Variants in EYA4 observed in about 807,000 individuals in gnomAD.
EYA4 encodes the protein protein phosphatase EYA4.
Under a neutral mutation model 87.9 loss-of-function variants are expected in EYA4, and 31 were observed. The ratio of observed to expected loss-of-function variants is 0.35; its 90% confidence interval spans 0.27 to 0.48. The LOEUF (loss-of-function observed/expected upper bound fraction) is 0.48. EYA4 is among the 20% of genes least tolerant of loss of function. The pLI is 0.99. For synonymous variants in EYA4, 263 were observed against 270.6 expected, an observed-to-expected ratio of 0.97 and a Z score of 0.28; for missense variants, 678 against 761.4, an observed-to-expected ratio of 0.89 and a Z score of 1.29.
rs142398992 is a variant in EYA4, at chr6:133,495,485, T to TATTCATTTATTTATAA, written c.1192-10620_1192-10619insTTCATTTATTTATAAA. ...ATTTATAAATAAATATAAAGAAATA[T>TATTCATTTATTTATAA]AGAAGAGAGAGGTAGGCAAGGGCTG... On this transcript the variant is annotated intron_variant, in intron 13 of 19. Transcript: ENST00000355286. Among the ~76,000 whole-genome samples the TATTCATTTATTTATAA allele has an allele frequency of 3.5e-4, 42 of 119,880 alleles. 4 individuals carry two copies. Among genetic ancestry groups the TATTCATTTATTTATAA allele is most frequent in the African/African-American group, 1.3e-3 (38 of 28,990 alleles). The allele number at this position is 119,880 out of a possible 152,430, so 78.6% of individuals were successfully genotyped here.
intron 2 of EYA4, among the ~76,000 whole-genome samples, chr6:133,313,219 T>C (rs1780367297): frequency 6.6e-6 from 1 of 152,166 alleles, no homozygotes; most frequent in Non-Finnish European, 1.5e-5. Context: ...TGCTCCCTTT[T>C]ATTTTGGATA....
intron 2 of EYA4, among the ~76,000 whole-genome samples, chr6:133,342,574 C>CATATATATATATAT (rs56987430): frequency 0.029 from 2,941 of 99,886 alleles, 99 homozygotes; most frequent in Non-Finnish European, 0.035. Flanking sequence ...TACACACTGC[C>CATATATATATATAT]ATATATATAT....
chr6:133,409,423 A>G (rs1336105899), intron 3 of EYA4, among the ~76,000 whole-genome samples: 2 of 152,000 alleles, frequency 1.3e-5, no homozygotes, highest in Non-Finnish European at 2.9e-5. Context: ...CTAGGTGAAT[A>G]TGGCAGACGC....
intron 11 of EYA4, among the ~76,000 whole-genome samples, chr6:133,474,395 G>A (rs1795543319): frequency 6.6e-6 from 1 of 152,018 alleles, no homozygotes; most frequent in Non-Finnish European, 1.5e-5. Context: ...TATATTAAAT[G>A]CAGGCAGGTA....
In EYA4 at chr6:133,294,341, C is replaced by CT. The variant is rs201087164; in HGVS notation, c.33+19529dup. Among the ~76,000 whole-genome samples the CT allele has an allele frequency of 3.5e-3, 501 of 143,516 alleles. 3 individuals are homozygous for CT. The highest frequency in any genetic ancestry group is 0.023 in the Admixed American group (335 of 14,274). 94.2% of individuals were successfully genotyped at this position (143,516 alleles called of 152,430 possible). A position where few individuals can be genotyped will look rare whatever the true frequency, so the allele number is the denominator to read the frequency against. On this transcript the variant is annotated intron_variant, in intron 2 of 19. Transcript: ENST00000355286. ...GGATATTCTTGGTCTCTTGCTCTTTCTGTTTTTTTTTTGTTTTGTTTTTGT... is the reference window on the plus strand; with the variant it reads ...GGATATTCTTGGTCTCTTGCTCTTTCTTGTTTTTTTTTTGTTTTGTTTTTGT...
intron 2 of EYA4, among the ~76,000 whole-genome samples, chr6:133,328,676 A>G (rs1325115722): frequency 1.3e-5 from 2 of 151,842 alleles, no homozygotes; most frequent in East Asian, 1.9e-4. Flanking sequence ...TCAGTTTAGT[A>G]TTTTGTATGG....
chr6:133,408,447 C>T (rs1167485641), intron 3 of EYA4, among the ~76,000 whole-genome samples: 1 of 151,904 alleles, frequency 6.6e-6, no homozygotes, highest in African/African-American at 2.4e-5. Flanking sequence ...TTCTTAGAAT[C>T]TACGCATAAG....
intron 2 of EYA4, among the ~76,000 whole-genome samples, chr6:133,374,119 A>T (rs774339881): frequency 2.0e-5 from 3 of 152,072 alleles, no homozygotes; most frequent in Non-Finnish European, 4.4e-5. Context: ...GGTTAATGTG[A>T]TTTGACATTT....
At chr6:133,404,931 A>G (rs1037468265) in intron 3 of EYA4, among the ~76,000 whole-genome samples, 6 of 152,126 alleles carry the variant, frequency 3.9e-5, no homozygotes, top group Admixed American at 1.3e-4. Context: ...TCTATTTTAA[A>G]ACTCTACCCT....
At chr6:133,322,995 C>A (rs1232477658) in intron 2 of EYA4, among the ~76,000 whole-genome samples, 1 of 151,728 alleles carries the variant, frequency 6.6e-6, no homozygotes, top group Non-Finnish European at 1.5e-5. Context: ...GTGATTGTTT[C>A]TAAATATAAA....
At chr6:133,342,668 A>G (rs1782892981) in intron 2 of EYA4, among the ~76,000 whole-genome samples, 1 of 148,312 alleles carries the variant, frequency 6.7e-6, no homozygotes, top group Non-Finnish European at 1.5e-5. Flanking sequence ...TATCATTCAT[A>G]CAATAATTAT....
At chr6:133,466,862 T>A (rs1413200343) in intron 10 of EYA4, among the ~76,000 whole-genome samples, 1 of 151,768 alleles carries the variant, frequency 6.6e-6, no homozygotes, top group Non-Finnish European at 1.5e-5. Flanking sequence ...CCTGCTCACG[T>A]AAGGCCTGGT....
At chr6:133,492,931 T>C (rs1199758848) in intron 13 of EYA4, among the ~76,000 whole-genome samples, 1 of 152,098 alleles carries the variant, frequency 6.6e-6, no homozygotes, top group African/African-American at 2.4e-5. Flanking sequence ...CTGTAAAACA[T>C]TGATGGCATA....
rs145265871 is a variant in EYA4 at position 133,414,440 on chromosome 6, A to G, written c.83+31999A>G. Among the ~76,000 whole-genome samples the G allele has an allele frequency of 2.2e-4, 34 of 152,316 alleles. 1 individual carries two copies. Among genetic ancestry groups the G allele is most frequent in the Admixed American group, 1.4e-3 (21 of 15,298 alleles). On this transcript the variant is annotated intron_variant, in intron 3 of 19. Coordinates refer to ENST00000355286, the MANE Select transcript of EYA4 (RefSeq NM_004100.5). ...TTAGAAAAATGTATTTTAATTTTCT[A>G]CTGATTTGATGTTACCTTTACTAGA...
chr6:133,346,916 G>A (rs1783239631), intron 2 of EYA4, among the ~76,000 whole-genome samples: 1 of 151,644 alleles, frequency 6.6e-6, no homozygotes, highest in South Asian at 2.1e-4. Context: ...TAAGGATGAT[G>A]TGTGACCAAA....
chr6:133,466,130 A>G (rs1028767317), intron 10 of EYA4, among the ~76,000 whole-genome samples: 2 of 152,174 alleles, frequency 1.3e-5, no homozygotes, highest in African/African-American at 4.8e-5. Context: ...CGAAAGAAAC[A>G]AATATGAAAA....
At chr6:133,256,267 A>G (rs1775329548) in intron 1 of EYA4, among the ~76,000 whole-genome samples, 1 of 151,592 alleles carries the variant, frequency 6.6e-6, no homozygotes, top group Non-Finnish European at 1.5e-5. Context: ...TTATGAATGC[A>G]TATTATATTT....
intron 3 of EYA4, among the ~76,000 whole-genome samples, chr6:133,396,224 A>T (rs1286483511): frequency 2.0e-5 from 3 of 152,218 alleles, no homozygotes; most frequent in Non-Finnish European, 2.9e-5. Flanking sequence ...TCAAAATTCC[A>T]TACCTGTCAG....
At chr6:133,336,699 C>G (rs2128396977) in intron 2 of EYA4, among the ~76,000 whole-genome samples, 1 of 152,206 alleles carries the variant, frequency 6.6e-6, no homozygotes, top group Admixed American at 6.6e-5. Context: ...GATAGGAGAT[C>G]ATGTATGTTT....
Sources: allele counts gnomAD v4.1 joint callset (sites outside exome capture counted in the v4.1 genomes callset), GRCh38; gene constraint gnomAD v4.1.1; transcripts MANE v1.5; gene names NCBI Gene and HGNC (gene_info 2026-07-23, HGNC 2026-07-21).